Variants in WBP1 observed in about 807,000 individuals in gnomAD.
The protein encoded by WBP1 is WW domain binding protein 1, also known as WW domain-binding protein 1.
A neutral mutation model predicts 25.6 loss-of-function variants in WBP1; 18 were observed. That is an observed-to-expected ratio of 0.70 (90% CI 0.49 to 1.04). The LOEUF is 1.04. Among genes scored for constraint, WBP1 ranks in the 50% least tolerant of loss-of-function variants. The probability of loss-of-function intolerance (pLI) is 0.00; values close to 1 mark genes in which losing one functional copy is unlikely to be tolerated. For synonymous variants in WBP1, 122 were observed against 137.7 expected, an observed-to-expected ratio of 0.89 and a Z score of 0.80; for missense variants, 330 against 352.9, an observed-to-expected ratio of 0.94 and a Z score of 0.52.
At position 74,458,552 on chromosome 2, in the gene WBP1, G is replaced by T; in HGVS notation, c.-51G>T. 6.6e-7 allele frequency: 1 copy of T among 1,525,696 alleles called. No individual in the cohort carries two copies. Among genetic ancestry groups the T allele is most frequent in the Non-Finnish European group, 8.8e-7 (1 of 1,130,292 alleles). 94.5% of individuals were successfully genotyped at this position (1,525,696 alleles called of 1,614,324 possible). A position where few individuals can be genotyped will look rare whatever the true frequency, so the allele number is the denominator to read the frequency against. On this transcript the variant is annotated 5_prime_UTR_variant, in exon 1 of 4. Transcript: ENST00000233615. ...TGGCAGCAGAGGTGGCAGGGGCGGG[G>T]CGGCTGGCGGTAGAGGAGGCTGTGG...
chr2:74,458,447 G>A lies in WBP1; in HGVS notation c.-156G>A, dbSNP rs1378011854. 1 of 1,446,816 alleles carries A rather than the reference G, an allele frequency of 6.9e-7. No individual in the cohort carries two copies. Among genetic ancestry groups the A allele is most frequent in the South Asian group, 1.4e-5 (1 of 69,640 alleles). 89.6% of individuals were successfully genotyped at this position (1,446,816 alleles called of 1,614,324 possible). A position where few individuals can be genotyped will look rare whatever the true frequency, so the allele number is the denominator to read the frequency against. ...CAGAGCAATCTGAGTCCTAGTTGGT[G>A]GAGTTCTGCCCGGATGGAAGCTCCG... On this transcript the variant is annotated 5_prime_UTR_variant, in exon 1 of 4. Coordinates refer to ENST00000233615, the MANE Select transcript of WBP1 (RefSeq NM_012477.4).
chr2:74,460,507 C>T lies in WBP1; in HGVS notation c.636C>T (p.Ser212=), dbSNP rs373763194. The T allele has an allele frequency of 9.5e-5, 153 of 1,613,628 alleles. No homozygotes were observed. In the Middle Eastern group the frequency reaches 1.2e-3, roughly 13 times the overall value. ...GCTATCGCCGTTTAACTGGCGACTCCGGTATTGAGCTCTGCCCTTGTCCTG... is the reference window on the plus strand; with the variant it reads ...GCTATCGCCGTTTAACTGGCGACTCTGGTATTGAGCTCTGCCCTTGTCCTG... ...SCRYRRLTGD[S]GIELCPCPAS... Residue 212 remains serine, a synonymous_variant, in exon 4 of 4, where the codon TCC becomes TCT. Coordinates refer to ENST00000233615, the MANE Select transcript of WBP1 (RefSeq NM_012477.4).
chr2:74,459,425 T>A, intron 1 of WBP1: 2 of 631,732 alleles, frequency 3.2e-6, no homozygotes, highest in South Asian at 4.0e-5. Context: ...CACACTTTTG[T>A]CTTGTTCTCT....
intron 1 of WBP1, chr2:74,459,151 C>T (rs968989545): frequency 1.3e-6 from 2 of 1,530,996 alleles, no homozygotes; most frequent in Non-Finnish European, 1.8e-6. Context: ...CCTAGGGAGC[C>T]TGAGGCCCAG....
intron 1 of WBP1, 22 bp downstream of exon 1, chr2:74,458,693 C>A: frequency 1.3e-6 from 2 of 1,563,830 alleles, no homozygotes; most frequent in Non-Finnish European, 1.7e-6. Context: ...GCTCCAAAAC[C>A]TATCACGACA....
chr2:74,459,117 G>A, intron 1 of WBP1: 1 of 1,542,512 alleles, frequency 6.5e-7, no homozygotes, highest in South Asian at 1.2e-5. Flanking sequence ...CACTGCTCTG[G>A]GTCTCACACT....
intron 1 of WBP1, 78 bp from the exon 2 acceptor site, chr2:74,459,565 A>C: frequency 2.3e-6 from 3 of 1,313,284 alleles, no homozygotes; most frequent in Non-Finnish European, 3.3e-6. Flanking sequence ...GGGATTGTGT[A>C]TGTGCATGCA....
In WBP1 at chr2:74,458,645, G is replaced by A; in HGVS notation, c.43G>A (p.Gly15Arg). The change falls in exon 1 of 4, where the codon GGG (glycine) becomes AGG (arginine). Residue 15 changes from glycine (G) to arginine (R), a missense_variant. By Grantham distance (125) the Gly-to-Arg change is moderately radical (BLOSUM62 -2). Transcript: ENST00000233615. ...CGGGAACGGCAGCGAGGAGGCCTGG[G>A]GGGCACTTCGGGCGCCGCAACAGCA... ...SSGNGSEEAW[G>R]ALRAPQQQLR... 1 of 1,571,634 alleles carries A rather than the reference G, an allele frequency of 6.4e-7. No homozygotes were observed. The highest frequency in any genetic ancestry group is 1.2e-5 in the South Asian group (1 of 85,628).
At position 74,460,414 on chromosome 2, in the gene WBP1, T is replaced by C. The variant is rs780041744; in HGVS notation, c.543T>C (p.Ser181=). The change falls in exon 4 of 4, where the codon AGT becomes AGC. Residue 181 remains serine, a synonymous_variant. Coordinates refer to ENST00000233615, the MANE Select transcript of WBP1 (RefSeq NM_012477.4). Reference sequence around the variant, plus strand: ...TGGAAGGTGTTTCCTCCCACCAGAGTGCCCCCCCTCATCAGGAGGGTGAGC... The same window carrying C: ...TGGAAGGTGTTTCCTCCCACCAGAGCGCCCCCCCTCATCAGGAGGGTGAGC... ...TNVEGVSSHQ[S]APPHQEGEPG... The C allele has an allele frequency of 2.5e-6, 4 of 1,613,362 alleles. No individual in the cohort carries two copies. The highest frequency in any genetic ancestry group is 2.5e-6 in the Non-Finnish European group (3 of 1,179,944).
chr2:74,459,255 C>G, intron 1 of WBP1: 1 of 1,015,984 alleles, frequency 9.8e-7, no homozygotes. Context: ...TACCCGTTGT[C>G]TGAGACTGAG....
intron 1 of WBP1, 171 bp downstream of exon 1, chr2:74,458,842 CTT>C (rs1558562374): frequency 1.9e-6 from 3 of 1,542,556 alleles, no homozygotes; most frequent in Admixed American, 4.0e-5. Flanking sequence ...ATGCAGCTGA[CTT>C]TGCCTGTAGC....
chr2:74,459,244 C>G (rs1319371340), intron 1 of WBP1: 1 of 1,190,546 alleles, frequency 8.4e-7, no homozygotes, highest in Non-Finnish European at 1.1e-6. Flanking sequence ...TGACCTACCG[C>G]TACCCGTTGT....
In WBP1 at chr2:74,459,882, T is replaced by C. The variant is rs147892944; in HGVS notation, c.182T>C (p.Leu61Pro). 2 of 1,613,808 alleles carry C rather than the reference T, an allele frequency of 1.2e-6. No individual in the cohort carries two copies. Among genetic ancestry groups the C allele is most frequent in the Non-Finnish European group, 8.5e-7 (1 of 1,179,688 alleles). The change falls in exon 3 of 4, where the codon CTG becomes CCG. Residue 61 changes from leucine (L) to proline (P), a missense_variant. Transcript: ENST00000233615. ...TCCTTGCCTCTTGCAGGGTTCTGGC[T>C]GCTCTGGACTGTCCTCATCCTCTTT... ...TYYYELWWFW[L>P]LWTVLILFSC...
rs1296492881 is a variant in WBP1, at chr2:74,460,241, C to T, written c.370C>T (p.Pro124Ser). ...TGCAGGCTTCCTCAGCACCTTCAAG[C>T]CCCCAGCCTACGAGGATGTGGTTCA... The part of the protein sequence containing the change: ...LDLRFLSTFK[P>S]PAYEDVVHRP... Residue 124 changes from proline to serine, a missense_variant, in exon 4 of 4, where the codon CCC becomes TCC. Transcript: ENST00000233615. The T allele has an allele frequency of 1.2e-6, 2 of 1,611,184 alleles. No individual in the cohort carries two copies. The highest frequency in any genetic ancestry group is 2.2e-5 in the East Asian group (1 of 44,836).
At position 74,459,972 on chromosome 2, in the gene WBP1, G is replaced by A. The variant is rs566740889; in HGVS notation, c.272G>A (p.Arg91His). The A allele has an allele frequency of 2.8e-5, 45 of 1,614,034 alleles. 1 individual carries two copies. Among genetic ancestry groups the A allele is most frequent in the South Asian group, 4.4e-5 (4 of 91,096 alleles). Residue 91 changes from arginine to histidine, a missense_variant, in exon 3 of 4, where the codon CGT (arginine) becomes CAT (histidine). Coordinates refer to ENST00000233615, the MANE Select transcript of WBP1 (RefSeq NM_012477.4). ...KLRLQQQQRQ[R>H]EINLLAYHGA... ...AGGCTGCAACAACAGCAGCGGCAGC[G>A]TGAAATCAACTTGTTGGCCTATCAT...
Position 74,458,884 on chromosome 2 carries a change from G to A in WBP1, c.69+213G>A, listed in dbSNP as rs941496566. ...TAGAACCCATCCCATGGCTGCAGTG[G>A]AAGCTTGCGGTGGCTCTCCAGTGAC... On this transcript the variant is annotated intron_variant, in intron 1 of 3. Coordinates refer to ENST00000233615, the MANE Select transcript of WBP1 (RefSeq NM_012477.4). 7.1e-6 allele frequency: 11 copies of A among 1,550,556 alleles called. No individual in the cohort carries two copies. In the African/African-American group the frequency reaches 1.2e-4, roughly 17 times the overall value.
rs201448542 is a variant in WBP1, at chr2:74,460,310, C to G, written c.439C>G (p.Arg147Gly). The G allele has an allele frequency of 8.1e-6, 13 of 1,614,006 alleles. No individual in the cohort carries two copies. In the East Asian group the frequency reaches 2.9e-4, roughly 36 times the overall value. ...CCCCCCTTATACTGTGGCCCCAGGC[C>G]GCCCCTTGACTGCTTCCAGTGAACA... ...PPPPYTVAPGRPLTASSEQTC... is the reference protein window; with the variant it reads ...PPPPYTVAPGGPLTASSEQTC... Residue 147 changes from arginine to glycine, a missense_variant, in exon 4 of 4, where the codon CGC becomes GGC. Transcript: ENST00000233615.
In WBP1 at chr2:74,460,803, A is replaced by C; in HGVS notation, c.*122A>C. On this transcript the variant is annotated 3_prime_UTR_variant, in exon 4 of 4. Transcript: ENST00000233615. ...CTGCCTGAAAGGGCTGGAGAGGGGC[A>C]GTATTGGGGGACTGTGCTAGCTTTA... 1 of 872,986 alleles carries C rather than the reference A, an allele frequency of 1.1e-6. No individual in the cohort carries two copies. 54.1% of individuals were successfully genotyped at this position (872,986 alleles called of 1,614,324 possible). A position where few individuals can be genotyped will look rare whatever the true frequency, so the allele number is the denominator to read the frequency against.
intron 1 of WBP1, chr2:74,459,284 C>T: frequency 1.4e-6 from 1 of 701,920 alleles, no homozygotes; most frequent in Non-Finnish European, 2.0e-6. Flanking sequence ...AGACTGTCTT[C>T]TGGCTTCTGC....
Sources: allele counts gnomAD v4.1 joint callset, GRCh38; gene constraint gnomAD v4.1.1; transcripts MANE v1.5; gene names NCBI Gene and HGNC (gene_info 2026-07-23, HGNC 2026-07-21).